SLC7A7: variants seen among roughly 807,000 people sequenced by gnomAD.
SLC7A7 encodes solute carrier family 7 member 7.
In SLC7A7, 39 loss-of-function variants were observed where a neutral mutation model predicts 47.9. The ratio of observed to expected loss-of-function variants is 0.81; its 90% CI spans 0.63 to 1.06. The LOEUF is 1.06. SLC7A7 is among the 50% of genes least tolerant of loss of function. SLC7A7 has a pLI of 0.00. For missense variants in SLC7A7, 588 were observed against 632.0 expected (o/e 0.93, Z 0.75); for synonymous variants, 234 against 242.8 (o/e 0.96, Z 0.34).
At chr14:22,782,830 A>G (rs1054142417) in intron 2 of SLC7A7, among the ~76,000 whole-genome samples, 11 of 151,304 alleles carry the variant, frequency 7.3e-5, no homozygotes, top group Non-Finnish European at 1.3e-4. Flanking sequence ...TGGAGAAATC[A>G]TAGCTCACTG....
chr14:22,809,548 G>A (rs2039268934), intron 2 of SLC7A7, among the ~76,000 whole-genome samples: 1 of 151,994 alleles, frequency 6.6e-6, no homozygotes, highest in Non-Finnish European at 1.5e-5. Context: ...TCACCATGTT[G>A]GCCAGGATGA....
At chr14:22,779,780 T>C (rs1012950509) in intron 3 of SLC7A7, 146 bp downstream of exon 3, 1 of 821,166 alleles carries the variant, frequency 1.2e-6, no homozygotes, top group Admixed American at 2.2e-5. Context: ...GCAGGCTGTT[T>C]CCTCATCCAT....
At chr14:22,818,587 T>TA (rs1378761016), upstream of SLC7A7, among the ~76,000 whole-genome samples, 1 of 143,170 alleles carries the variant, frequency 7.0e-6, no homozygotes, top group Non-Finnish European at 1.5e-5. Flanking sequence ...TTTTTGGTTT[T>TA]TTTTTTTTTT....
At chr14:22,783,710 C>T (rs1036370762) in intron 2 of SLC7A7, among the ~76,000 whole-genome samples, 2 of 151,922 alleles carry the variant, frequency 1.3e-5, no homozygotes, top group Non-Finnish European at 2.9e-5. Context: ...TGCCCAGTCT[C>T]TTCTCTACTT....
intron 2 of SLC7A7, among the ~76,000 whole-genome samples, chr14:22,810,062 AAGC>A: frequency 6.9e-6 from 1 of 144,024 alleles, no homozygotes; most frequent in African/African-American, 2.6e-5. Context: ...AAAAAAAAAA[AAGC>A]AGCAACAGCA....
At chr14:22,786,021 C>CAAAAAAA (rs1233024478) in intron 2 of SLC7A7, among the ~76,000 whole-genome samples, 2 of 74,006 alleles carry the variant, frequency 2.7e-5, no homozygotes, top group Non-Finnish European at 2.5e-5. Context: ...GACTCTGTCT[C>CAAAAAAA]AAAAAAAAAA....
intron 2 of SLC7A7, among the ~76,000 whole-genome samples, chr14:22,808,963 G>A (rs947291688): frequency 6.6e-6 from 1 of 152,136 alleles, no homozygotes; most frequent in African/African-American, 2.4e-5. Flanking sequence ...CAACAGCCTG[G>A]AATTAAACAG....
chr14:22,777,809 C>T (rs942167845), intron 4 of SLC7A7, among the ~76,000 whole-genome samples: 1 of 152,244 alleles, frequency 6.6e-6, no homozygotes, highest in Admixed American at 6.5e-5. Flanking sequence ...CACAGTGGCT[C>T]ATGCCTGTAA....
In SLC7A7 at chr14:22,773,998, G is replaced by C; in HGVS notation, c.1364C>G (p.Pro455Arg). Residue 455 changes from proline (P) to arginine (R), a missense_variant, in exon 9 of 10, where the codon CCC (proline) becomes CGC (arginine). Physicochemically the swap from Pro to Arg is moderately radical, Grantham distance 103 (BLOSUM62 -2). Transcript: ENST00000674313. ...CACTCTGATGATGAGGAAGTAAAAGGGCAGGCCTGAGAGGGCAATGGCAAT... is the reference window on the plus strand; with the variant it reads ...CACTCTGATGATGAGGAAGTAAAAGCGCAGGCCTGAGAGGGCAATGGCAAT... ...IGIAIALSGL[P>R]FYFLIIRVPE... 6.2e-7 allele frequency: 1 copy of C among 1,614,192 alleles called. No homozygotes were observed. The highest frequency in any genetic ancestry group is 8.5e-7 in the Non-Finnish European group (1 of 1,180,048).
upstream of SLC7A7, among the ~76,000 whole-genome samples, chr14:22,818,767 T>C (rs2138676820): frequency 6.6e-6 from 1 of 152,010 alleles, no homozygotes; most frequent in Non-Finnish European, 1.5e-5. Flanking sequence ...CTAATTTTTG[T>C]ATTTTTAGTA....
intron 2 of SLC7A7, among the ~76,000 whole-genome samples, chr14:22,804,592 G>A (rs10459505): frequency 0.13 from 19,164 of 152,042 alleles, 1,377 homozygotes; most frequent in South Asian, 0.19. Flanking sequence ...ACATTCATGC[G>A]GCCAACAAAC....
In SLC7A7 at chr14:22,774,436, C is replaced by G. The variant is rs1389353245; in HGVS notation, c.1163G>C (p.Ser388Thr). 2 of 1,614,034 alleles carry G rather than the reference C, an allele frequency of 1.2e-6. No individual in the cohort carries two copies. The highest frequency in any genetic ancestry group is 1.7e-6 in the Non-Finnish European group (2 of 1,180,034). Reference protein sequence around the residue: ...IFQLINYYSFSYWFFVGLSIV... With the variant: ...IFQLINYYSFTYWFFVGLSIV... Reference sequence around the variant, plus strand: ...AGAAAGCCCCACAAAGAACCAGTAGCTGAAGCTGTAGTAGTTAATGAGCTG... The same window carrying G: ...AGAAAGCCCCACAAAGAACCAGTAGGTGAAGCTGTAGTAGTTAATGAGCTG... The change falls in exon 8 of 10, where the codon AGC becomes ACC. Residue 388 changes from serine (S) to threonine (T), a missense_variant. Ser to Thr is a moderately conservative substitution (Grantham distance 58). Transcript: ENST00000674313.
At chr14:22,810,328 G>A (rs924984570) in intron 2 of SLC7A7, among the ~76,000 whole-genome samples, 2 of 151,494 alleles carry the variant, frequency 1.3e-5, no homozygotes, top group African/African-American at 4.9e-5. Context: ...GCCGGGCATG[G>A]TAGCACATCT....
upstream of SLC7A7, chr14:22,816,260 G>A (rs1442038545): frequency 1.3e-5 from 2 of 154,444 alleles, no homozygotes; most frequent in African/African-American, 4.8e-5. Context: ...GGGAGGCTGA[G>A]GCAGGCGGAT....
intron 2 of SLC7A7, among the ~76,000 whole-genome samples, chr14:22,804,554 G>C (rs2039168925): frequency 6.6e-6 from 1 of 151,942 alleles, no homozygotes; most frequent in African/African-American, 2.4e-5. Context: ...GTGAGAAAAG[G>C]ACATGAACAA....
intron 7 of SLC7A7, 123 bp from the exon 8 acceptor site, chr14:22,774,626 G>A: frequency 1.5e-6 from 2 of 1,301,386 alleles, no homozygotes; most frequent in Non-Finnish European, 2.2e-6. Context: ...TCCTCTTCTG[G>A]TTTTAATCCC....
At chr14:22,818,722 T>C (rs2039439650), upstream of SLC7A7, among the ~76,000 whole-genome samples, 1 of 151,932 alleles carries the variant, frequency 6.6e-6, no homozygotes, top group Middle Eastern at 3.4e-3. Context: ...GCCTCCCAAG[T>C]AGCTGGGATT....
intron 2 of SLC7A7, among the ~76,000 whole-genome samples, chr14:22,786,901 A>G: frequency 6.6e-6 from 1 of 152,168 alleles, no homozygotes. Flanking sequence ...GCACCACTGC[A>G]CTGCAGCCTG....
intron 6 of SLC7A7, 142 bp from the exon 7 acceptor site, chr14:22,775,682 T>G: frequency 1.1e-6 from 1 of 922,154 alleles, no homozygotes; most frequent in South Asian, 1.3e-5. Flanking sequence ...GTATTAAGAT[T>G]AATGACAACT....
Sources: gnomAD v4.1 joint callset for allele counts (sites outside exome capture counted in the v4.1 genomes callset) on GRCh38, gnomAD v4.1.1 for gene constraint, MANE v1.5 for transcripts, NCBI Gene and HGNC (gene_info 2026-07-23, HGNC 2026-07-21) for gene names.